PTK2B: variants seen among roughly 807,000 people sequenced by gnomAD.
PTK2B encodes protein tyrosine kinase 2 beta.
PTK2B carries 71 observed loss-of-function variants against 142.9 expected under a neutral mutation model. The observed-to-expected ratio is 0.50, with a 90% CI of 0.41 to 0.61. PTK2B has a LOEUF of 0.61. Among genes scored for constraint, PTK2B ranks in the 20% least tolerant of loss-of-function variants. The probability of loss-of-function intolerance (pLI) is 0.00; values close to 1 mark genes in which losing one functional copy is unlikely to be tolerated. For missense variants in PTK2B, 1,105 were observed against 1,320.4 expected (o/e 0.84, Z 2.53); for synonymous variants, 519 against 503.4 (o/e 1.03, Z -0.42).
chr8:27,405,507 GA>G (rs1808656831), intron 2 of PTK2B, among the ~76,000 whole-genome samples: 1 of 152,150 alleles, frequency 6.6e-6, no homozygotes, highest in South Asian at 2.1e-4. Flanking sequence ...AATAGTCCCT[GA>G]AAAAGAGGAA....
intron 1 of PTK2B, among the ~76,000 whole-genome samples, chr8:27,341,761 C>T (rs1804415696): frequency 6.6e-6 from 1 of 152,120 alleles, no homozygotes; most frequent in South Asian, 2.1e-4. Flanking sequence ...GCAGCTTCTA[C>T]CTCCCAGGCT....
At chr8:27,427,192 C>T (rs1810137979) in intron 5 of PTK2B, among the ~76,000 whole-genome samples, 1 of 152,160 alleles carries the variant, frequency 6.6e-6, no homozygotes, top group South Asian at 2.1e-4. Context: ...CCTGCTTGTC[C>T]TCTACATACA....
chr8:27,434,853 G>A (rs1388447607), intron 13 of PTK2B, among the ~76,000 whole-genome samples: 1 of 152,042 alleles, frequency 6.6e-6, no homozygotes, highest in African/African-American at 2.4e-5. Flanking sequence ...TACAAAAATT[G>A]GATGGGCATG....
upstream of PTK2B, chr8:27,310,689 C>A (rs1038656423): frequency 4.8e-6 from 6 of 1,258,364 alleles, no homozygotes; most frequent in Non-Finnish European, 1.1e-6. Flanking sequence ...ATGCTGGGAG[C>A]GAGACGCGGG....
chr8:27,386,589 G>C (rs1807371112), intron 1 of PTK2B, among the ~76,000 whole-genome samples: 1 of 152,160 alleles, frequency 6.6e-6, no homozygotes, highest in South Asian at 2.1e-4. Context: ...GTGGCATCCT[G>C]TTTGCTTGAA....
rs971441512 is a variant in PTK2B at position 27,363,371 on chromosome 8, A to G, written c.-37-34177A>G. 2.6e-5 allele frequency among the ~76,000 whole-genome samples: 4 copies of G among 152,208 alleles called. No individual in the cohort carries two copies. The highest frequency in any genetic ancestry group is 6.5e-5 in the Admixed American group (1 of 15,276). On this transcript the variant is annotated intron_variant, in intron 1 of 30. Coordinates refer to ENST00000346049, the MANE Select transcript of PTK2B (RefSeq NM_173176.3). This position sits in a 1 kb window ranked among gnomAD's most constrained non-coding sequence, Gnocchi z 4.3. ...AAGTGAGATGGGTTTTGTTCTGTGC[A>G]TCTCCATGAGCAGGCCCAGGAAGTT...
At chr8:27,368,852 G>A (rs1045642999) in intron 1 of PTK2B, among the ~76,000 whole-genome samples, 12 of 152,130 alleles carry the variant, frequency 7.9e-5, no homozygotes, top group South Asian at 2.1e-4. Context: ...CCTGGGCCCC[G>A]GAGACCCTGG....
At chr8:27,325,282 G>A (rs1803342767), upstream of PTK2B, 1 of 152,214 alleles carries the variant, frequency 6.6e-6, no homozygotes, top group Admixed American at 6.5e-5. Flanking sequence ...GACAGAGGAT[G>A]GAGGGGTGTT....
intron 1 of PTK2B, among the ~76,000 whole-genome samples, chr8:27,385,060 C>G (rs1807260026): frequency 6.6e-6 from 1 of 152,210 alleles, no homozygotes; most frequent in Non-Finnish European, 1.5e-5. Flanking sequence ...AATCACAGTT[C>G]TGCTCTCGAC....
At chr8:27,311,228 C>T (rs767884249), upstream of PTK2B, 6 of 1,541,422 alleles carry the variant, frequency 3.9e-6, no homozygotes, top group Admixed American at 5.9e-5. Flanking sequence ...GTCGGGACTC[C>T]GCTCCATGGC....
chr8:27,311,045 G>A (rs559446313), upstream of PTK2B: 138 of 1,599,558 alleles, frequency 8.6e-5, 2 homozygotes, highest in South Asian at 1.5e-3. Flanking sequence ...GGCGGGTGAC[G>A]CGCGGTCTTT....
intron 12 of PTK2B, 127 bp downstream of exon 12, chr8:27,434,259 A>C: frequency 1.1e-5 from 14 of 1,273,522 alleles, no homozygotes; most frequent in Non-Finnish European, 1.5e-5. Flanking sequence ...ACCCTGAAAA[A>C]AGATGATCTT....
intron 22 of PTK2B, 113 bp from the exon 23 acceptor site, chr8:27,444,093 C>A: frequency 8.9e-7 from 1 of 1,117,756 alleles, no homozygotes; most frequent in Non-Finnish European, 1.3e-6. Flanking sequence ...TGTCCCTCAA[C>A]TTTCCTTCCT....
chr8:27,433,424 C>G lies in PTK2B; in HGVS notation c.988-11C>G, dbSNP rs1390477931. 8 of 1,610,938 alleles carry G rather than the reference C, an allele frequency of 5.0e-6. No homozygotes were observed. The highest frequency in any genetic ancestry group is 1.3e-5 in the African/African-American group (1 of 74,870). On this transcript the variant is annotated splice_polypyrimidine_tract_variant and intron_variant, in intron 10 of 30. Coordinates refer to ENST00000346049, the MANE Select transcript of PTK2B (RefSeq NM_173176.3). The stretch of plus-strand genomic sequence containing the variant: ...CTGGGGTCTCACCCTTGGCTGGTCT[C>G]TGCTCCGCAGGCCTTGTCCATCAAA...
At chr8:27,453,090 C>G (rs781042187) in intron 27 of PTK2B, 24 bp from the exon 28 acceptor site, 5 of 1,613,416 alleles carry the variant, frequency 3.1e-6, no homozygotes, top group South Asian at 2.2e-5. Context: ...AACTGCCCCC[C>G]ACTTGCTGTT....
intron 21 of PTK2B, among the ~76,000 whole-genome samples, chr8:27,440,844 TG>T (rs1563292806): frequency 6.6e-6 from 1 of 152,220 alleles, no homozygotes; most frequent in Non-Finnish European, 1.5e-5. Context: ...ATCTTTGACC[TG>T]TTTTCAAGAC....
chr8:27,340,500 A>G (rs1416732225), intron 1 of PTK2B, among the ~76,000 whole-genome samples: 1 of 152,234 alleles, frequency 6.6e-6, no homozygotes, highest in Admixed American at 6.5e-5. Context: ...CGAGAATGCT[A>G]TAGAGACCCT....
intron 1 of PTK2B, among the ~76,000 whole-genome samples, chr8:27,333,266 G>C (rs887407372): frequency 2.6e-5 from 4 of 152,242 alleles, no homozygotes; most frequent in African/African-American, 9.6e-5. Context: ...TGGAACGGAA[G>C]ATAAGGCTTG....
chr8:27,318,655 G>A (rs138354002), intron 3 of PTK2B, among the ~76,000 whole-genome samples: 146 of 152,174 alleles, frequency 9.6e-4, no homozygotes, highest in African/African-American at 3.1e-3. Context: ...GCATGGTTTT[G>A]TTTGTTTGTT....
Sources: allele counts gnomAD v4.1 joint callset (sites outside exome capture counted in the v4.1 genomes callset), GRCh38; gene constraint gnomAD v4.1.1; non-coding constraint Gnocchi (gnomAD v3.1); transcripts MANE v1.5; gene names NCBI Gene and HGNC (gene_info 2026-07-23, HGNC 2026-07-21).